The following TTLL6 variants were observed in gnomAD, a reference collection of about 807,000 sequenced individuals.
The protein encoded by TTLL6 is tubulin polyglutamylase TTLL6.
TTLL6 carries 75 observed loss-of-function variants against 96.4 expected under a neutral mutation model. That is an observed-to-expected ratio of 0.78 (90% CI 0.65 to 0.94). The LOEUF is 0.94. TTLL6 is among the 40% of genes least tolerant of loss of function. The pLI is 0.00. For missense variants in TTLL6, 1,030 were observed against 1,093.0 expected, an observed-to-expected ratio of 0.94 and a Z score of 0.81; for synonymous variants, 411 against 419.4, an observed-to-expected ratio of 0.98 and a Z score of 0.24.
rs1053851383 is a variant in TTLL6, at chr17:48,803,497, A to C, written c.361+394T>G. Among the ~76,000 whole-genome samples, 34 of 99,166 alleles carry C rather than the reference A, an allele frequency of 3.4e-4. 1 individual carries two copies. The highest frequency in any genetic ancestry group is 9.8e-4 in the African/African-American group (27 of 27,456). 65.1% of individuals were successfully genotyped at this position (99,166 alleles called of 152,430 possible). On this transcript the variant is annotated intron_variant, in intron 3 of 15. Coordinates refer to ENST00000393382, the MANE Select transcript of TTLL6 (RefSeq NM_001130918.3). ...AGATTCCGTGTCAAAAAAAAAAACA[A>C]AAAAAAAAAACAGCAACAGCAACAC...
chr17:48,779,683 G>A (rs1597970105), intron 13 of TTLL6, among the ~76,000 whole-genome samples: 1 of 152,112 alleles, frequency 6.6e-6, no homozygotes, highest in Non-Finnish European at 1.5e-5. Flanking sequence ...CTATCAATAG[G>A]TGAATGGATA....
intron 3 of TTLL6, among the ~76,000 whole-genome samples, chr17:48,802,415 A>G (rs1043596055): frequency 3.3e-5 from 5 of 152,256 alleles, no homozygotes; most frequent in Non-Finnish European, 7.3e-5. Context: ...TTTCAAAACC[A>G]CATTTGTGAT....
chr17:48,809,912 G>T (rs2039554380), intron 1 of TTLL6, among the ~76,000 whole-genome samples: 1 of 151,800 alleles, frequency 6.6e-6, no homozygotes, highest in Non-Finnish European at 1.5e-5. Context: ...CACTTTGGGA[G>T]GCCTCAACTG....
intron 13 of TTLL6, among the ~76,000 whole-genome samples, chr17:48,777,297 G>GA (rs1405361387): frequency 6.6e-6 from 1 of 152,104 alleles, no homozygotes; most frequent in African/African-American, 2.4e-5. Context: ...AAAACTTCTA[G>GA]AAAAAACATA....
Position 48,792,258 on chromosome 17 carries a change from A to G in TTLL6, c.999-655T>C, listed in dbSNP as rs140566248. ...ATCACAGATGAACTCAGAGATGTTT[A>G]CCTCATGTGGAATAGTTCATGAGGA... On this transcript the variant is annotated intron_variant, in intron 8 of 15. Transcript: ENST00000393382. Among the ~76,000 whole-genome samples the G allele has an allele frequency of 3.7e-4, 57 of 152,260 alleles. No homozygotes were observed. In the East Asian group the frequency reaches 0.011, roughly 29 times the overall value.
intron 1 of TTLL6, among the ~76,000 whole-genome samples, chr17:48,810,374 T>C (rs2039562876): frequency 6.6e-6 from 1 of 152,120 alleles, no homozygotes; most frequent in South Asian, 2.1e-4. Flanking sequence ...GTACTTGCCA[T>C]GTGACTACTT....
intron 13 of TTLL6, among the ~76,000 whole-genome samples, chr17:48,774,082 C>CAAAAAAA (rs1159647645): frequency 2.2e-5 from 1 of 46,136 alleles, no homozygotes. Context: ...AACTCCATCT[C>CAAAAAAA]AAAAAAAACA....
Position 48,769,252 on chromosome 17 carries a change from T to G in TTLL6, c.2413A>C (p.Asn805His). Residue 805 changes from asparagine (N) to histidine (H), a missense_variant and splice_region_variant, in exon 15 of 16, where the codon AAC becomes CAC. Transcript: ENST00000393382. Reference protein sequence around the residue: ...PKLGMNNLSQNPSLPGECHSR... With the variant: ...PKLGMNNLSQHPSLPGECHSR... Reference sequence around the variant, plus strand: ...TGGCACTCCCCAGGCAGGGAGGGGTTTTCTGGAAAGGCAAAGTCAGAAGCA... The same window carrying G: ...TGGCACTCCCCAGGCAGGGAGGGGTGTTCTGGAAAGGCAAAGTCAGAAGCA... 6.3e-7 allele frequency: 1 copy of G among 1,595,904 alleles called. No homozygotes were observed. Among genetic ancestry groups the G allele is most frequent in the Non-Finnish European group, 8.6e-7 (1 of 1,168,662 alleles).
intron 13 of TTLL6, among the ~76,000 whole-genome samples, chr17:48,778,283 GAA>G (rs200522144): frequency 7.8e-5 from 9 of 114,752 alleles, no homozygotes; most frequent in East Asian, 2.8e-4. Flanking sequence ...TCTCAAAAAA[GAA>G]AAAAAAAAAA....
At chr17:48,774,523 A>C (rs2038833902) in intron 13 of TTLL6, among the ~76,000 whole-genome samples, 1 of 152,134 alleles carries the variant, frequency 6.6e-6, no homozygotes, top group South Asian at 2.1e-4. Flanking sequence ...ACATTTATAA[A>C]GTAAAAAAGA....
At position 48,799,675 on chromosome 17, in the gene TTLL6, T is replaced by C. The variant is rs530160883; in HGVS notation, c.697A>G (p.Ile233Val). 1.3e-6 allele frequency: 2 copies of C among 1,551,882 alleles called. No homozygotes were observed. Among genetic ancestry groups the C allele is most frequent in the Non-Finnish European group, 1.7e-6 (2 of 1,147,018 alleles). The change falls in exon 6 of 16, where the codon ATA becomes GTA. Residue 233 changes from isoleucine to valine, a missense_variant. Ile to Val is a conservative substitution (Grantham distance 29). Coordinates refer to ENST00000393382, the MANE Select transcript of TTLL6 (RefSeq NM_001130918.3). ...KPDSGCQGKGIFITRTVKEIK... is the reference protein window; with the variant it reads ...KPDSGCQGKGVFITRTVKEIK... The stretch of plus-strand genomic sequence containing the variant: ...TCTTTCACTGTCCGGGTGATGAATA[T>C]ACCTTTCCCTTGGCAGCCCGAATCC...
intron 1 of TTLL6, among the ~76,000 whole-genome samples, chr17:48,814,130 C>G (rs2039631290): frequency 6.6e-6 from 1 of 151,958 alleles, no homozygotes; most frequent in Admixed American, 6.6e-5. Context: ...ACCAAGTTGG[C>G]AAACATGGTG....
chr17:48,813,922 A>G (rs2039628609), intron 1 of TTLL6, among the ~76,000 whole-genome samples: 2 of 152,294 alleles, frequency 1.3e-5, no homozygotes, highest in South Asian at 4.1e-4. Context: ...AGAGCAAGAA[A>G]TCAGAAGCAC....
chr17:48,782,799 C>T (rs1265110262), intron 13 of TTLL6, among the ~76,000 whole-genome samples: 6 of 152,024 alleles, frequency 3.9e-5, no homozygotes, highest in Admixed American at 6.6e-5. Context: ...TTGCAACCTC[C>T]GCCTCCTGGG....
At position 48,817,145 on chromosome 17, in the gene TTLL6, T is replaced by C; in HGVS notation, c.-73A>G. 1 of 1,175,064 alleles carries C rather than the reference T, an allele frequency of 8.5e-7. No individual in the cohort carries two copies. The highest frequency in any genetic ancestry group is 1.2e-6 in the Non-Finnish European group (1 of 842,956). The allele number at this position is 1,175,064 out of a possible 1,614,324, so 72.8% of individuals were successfully genotyped here. A position where few individuals can be genotyped will look rare whatever the true frequency, so the allele number is the denominator to read the frequency against. ...GGTCCGCCCGGCCCTCATATTTGCA[T>C]ACGGGGCCTTCTAGGCCTTCGATTG... On this transcript the variant is annotated 5_prime_UTR_variant, in exon 1 of 16. It removes an upstream start codon present in the reference 5' UTR. Coordinates refer to ENST00000393382, the MANE Select transcript of TTLL6 (RefSeq NM_001130918.3).
In TTLL6 at chr17:48,777,390, T is replaced by C. The variant is rs139627499; in HGVS notation, c.2041-7293A>G. Among the ~76,000 whole-genome samples, 1,164 of 151,714 alleles carry C rather than the reference T, an allele frequency of 7.7e-3. 42 individuals carry two copies. In the East Asian group the frequency reaches 0.13, roughly 16 times the overall value. On this transcript the variant is annotated intron_variant, in intron 13 of 15. Transcript: ENST00000393382. ...CAGGAGGATCACCTGAGGTCAGGAG[T>C]TCGAGACCAGCCTGACCAATATGGT...
intron 2 of TTLL6, 61 bp from the exon 3 acceptor site, chr17:48,803,989 C>G (rs2039466775): frequency 6.5e-7 from 1 of 1,527,644 alleles, no homozygotes; most frequent in Non-Finnish European, 8.9e-7. Context: ...GAACAAGTGA[C>G]TGTATCCAGA....
chr17:48,801,642 C>G lies in TTLL6; in HGVS notation c.363G>C (p.Val121=). The change falls in exon 4 of 16, where the codon GTG becomes GTC. Residue 121 remains valine, a splice_region_variant and synonymous_variant. Coordinates refer to ENST00000393382, the MANE Select transcript of TTLL6 (RefSeq NM_001130918.3). ...INLSSCRYES[V]RRAAQQYGFR... ...AGCCGTACTGTTGGGCAGCCCTGCGCACTATTGAAGAAAGAAAGGCCTATT... is the reference window on the plus strand; with the variant it reads ...AGCCGTACTGTTGGGCAGCCCTGCGGACTATTGAAGAAAGAAAGGCCTATT... The G allele has an allele frequency of 6.4e-7, 1 of 1,551,182 alleles. No individual in the cohort carries two copies. The highest frequency in any genetic ancestry group is 8.7e-7 in the Non-Finnish European group (1 of 1,146,672).
Position 48,799,608 on chromosome 17 carries a change from G to A in TTLL6, c.764C>T (p.Ser255Leu), listed in dbSNP as rs2039375332. 6.4e-7 allele frequency: 1 copy of A among 1,551,758 alleles called. No homozygotes were observed. Among genetic ancestry groups the A allele is most frequent in the Non-Finnish European group, 8.7e-7 (1 of 1,146,968 alleles). ...ATAATCACAATGAGGAAGTACCTTT[G>A]AAATATACAGCTGACAGATCATATC... ...GEDMICQLYI[S>L]KPFIIDGFKF... Residue 255 changes from serine to leucine, a missense_variant, in exon 6 of 16, where the codon TCA becomes TTA. Ser to Leu is a moderately radical substitution (Grantham distance 145). Coordinates refer to ENST00000393382, the MANE Select transcript of TTLL6 (RefSeq NM_001130918.3).
Sources: gnomAD v4.1 joint callset for allele counts (sites outside exome capture counted in the v4.1 genomes callset) on GRCh38, gnomAD v4.1.1 for gene constraint, MANE v1.5 for transcripts, NCBI Gene and HGNC (gene_info 2026-07-23, HGNC 2026-07-21) for gene names.